Variants in GNA14 observed in about 807,000 individuals in gnomAD.
GNA14 encodes the protein G protein subunit alpha 14.
GNA14 carries 50 observed loss-of-function variants against 42.0 expected under a neutral mutation model. The ratio of observed to expected loss-of-function variants is 1.19; its 90% CI spans 0.95 to 1.51. The LOEUF is 1.51. Ranked by LOEUF, GNA14 falls within the 40% of genes most tolerant of loss-of-function variation. GNA14 has a pLI of 0.00. For missense variants in GNA14, 473 were observed against 446.2 expected (o/e 1.06, Z -0.54); for synonymous variants, 173 against 163.1 (o/e 1.06, Z -0.46).
chr9:77,603,373 T>C (rs972039411), intron 1 of GNA14, among the ~76,000 whole-genome samples: 3 of 152,108 alleles, frequency 2.0e-5, no homozygotes, highest in African/African-American at 7.2e-5. Flanking sequence ...GCCTGGAACT[T>C]TGAATAAAGC....
Position 77,424,056 on chromosome 9 carries a change from C to G in GNA14, c.991G>C (p.Asp331His). Residue 331 changes from aspartate to histidine, a missense_variant, in exon 7 of 7, where the codon GAC (aspartate) becomes CAC (histidine). Transcript: ENST00000341700. ...GCAGCAAACACAAAGCGAATATTGTCTGTATCTGTAGCACATGTGAAGTGA... is the reference window on the plus strand; with the variant it reads ...GCAGCAAACACAAAGCGAATATTGTGTGTATCTGTAGCACATGTGAAGTGA... ...YSHFTCATDT[D>H]NIRFVFAAVK... 1 of 1,611,674 alleles carries G rather than the reference C, an allele frequency of 6.2e-7. No individual in the cohort carries two copies. Among genetic ancestry groups the G allele is most frequent in the Non-Finnish European group, 8.5e-7 (1 of 1,178,626 alleles).
intron 1 of GNA14, among the ~76,000 whole-genome samples, chr9:77,551,519 C>CA (rs946171871): frequency 4.0e-5 from 6 of 151,882 alleles, no homozygotes; most frequent in East Asian, 1.9e-4. Context: ...ACCCACCCCC[C>CA]CTTCAAGTGA....
chr9:77,637,433 A>G (rs1371907620), intron 1 of GNA14, among the ~76,000 whole-genome samples: 11 of 152,234 alleles, frequency 7.2e-5, no homozygotes, highest in Non-Finnish European at 1.6e-4. Context: ...CATCTCACCC[A>G]TCAACTTCAG....
chr9:77,636,870 C>T (rs1361673527), intron 1 of GNA14, among the ~76,000 whole-genome samples: 2 of 152,126 alleles, frequency 1.3e-5, no homozygotes, highest in Non-Finnish European at 2.9e-5. Context: ...AGCCAATGTT[C>T]CATGGAGAGT....
intron 1 of GNA14, among the ~76,000 whole-genome samples, chr9:77,590,815 G>T (rs1317754807): frequency 6.6e-6 from 1 of 151,982 alleles, no homozygotes; most frequent in Non-Finnish European, 1.5e-5. Context: ...AGAAATTCTA[G>T]AATTGAAGTG....
At position 77,423,217 on chromosome 9, in the gene GNA14, A is replaced by G. The variant is rs917635683; in HGVS notation, c.*762T>C. The G allele has an allele frequency of 4.6e-5, 7 of 152,088 alleles. No homozygotes were observed. Among genetic ancestry groups the G allele is most frequent in the African/African-American group, 1.7e-4 (7 of 41,416 alleles). The allele number at this position is 152,088 out of a possible 1,614,324, so 9.4% of individuals were successfully genotyped here. ...AACAATGTGGACTTCTAGCCATTTC[A>G]TACATTTTTAAGATCTGGTCATATA... On this transcript the variant is annotated 3_prime_UTR_variant, in exon 7 of 7. Coordinates refer to ENST00000341700, the MANE Select transcript of GNA14 (RefSeq NM_004297.4).
chr9:77,426,368 G>A (rs1056066066), intron 5 of GNA14, among the ~76,000 whole-genome samples: 14 of 151,968 alleles, frequency 9.2e-5, no homozygotes, highest in Admixed American at 2.6e-4. Flanking sequence ...ACAGTGGCGC[G>A]ATCTCGGCTC....
At chr9:77,487,279 T>C (rs1836677946) in intron 2 of GNA14, among the ~76,000 whole-genome samples, 1 of 152,188 alleles carries the variant, frequency 6.6e-6, no homozygotes, top group Non-Finnish European at 1.5e-5. Flanking sequence ...AATTTTCCAT[T>C]ATTTTTGGAC....
At chr9:77,635,362 C>G (rs1824167413) in intron 1 of GNA14, 1 of 152,094 alleles carries the variant, frequency 6.6e-6, no homozygotes, top group Non-Finnish European at 1.5e-5. Flanking sequence ...CATGCTATTC[C>G]AAGAAGTAAC....
chr9:77,549,227 C>G (rs890928833), intron 1 of GNA14, among the ~76,000 whole-genome samples: 6 of 152,216 alleles, frequency 3.9e-5, no homozygotes, highest in Admixed American at 2.0e-4. Flanking sequence ...AGCCACCGTG[C>G]CCAGCCAAGA....
In GNA14 at chr9:77,431,024, T is replaced by TTGTGTGTGTG. The variant is rs10631280; in HGVS notation, c.593+287_593+296dup. Among the ~76,000 whole-genome samples the TTGTGTGTGTG allele has an allele frequency of 8.6e-3, 877 of 101,480 alleles. 7 individuals carry two copies. The highest frequency in any genetic ancestry group is 0.022 in the African/African-American group (538 of 24,620). 66.6% of individuals were successfully genotyped at this position (101,480 alleles called of 152,430 possible). On this transcript the variant is annotated intron_variant, in intron 4 of 6. Transcript: ENST00000341700. The stretch of plus-strand genomic sequence containing the variant: ...ATTTGTGGGATACAGAAGTATACAT[T>TTGTGTGTGTG]TGTGTGTGTGTGTGTGTGTGTGTGT...
intron 1 of GNA14, among the ~76,000 whole-genome samples, chr9:77,565,020 CAT>C (rs1200313344): frequency 2.0e-5 from 3 of 152,086 alleles, no homozygotes; most frequent in African/African-American, 4.8e-5. Flanking sequence ...ATAATTTTAA[CAT>C]GTTTCCTACT....
chr9:77,504,112 T>G (rs1375741945), intron 2 of GNA14, among the ~76,000 whole-genome samples: 1 of 152,218 alleles, frequency 6.6e-6, no homozygotes, highest in East Asian at 1.9e-4. Flanking sequence ...TCCAACAGGC[T>G]TTATCGCCTA....
intron 2 of GNA14, among the ~76,000 whole-genome samples, chr9:77,473,792 G>C (rs942671246): frequency 6.6e-6 from 1 of 152,126 alleles, no homozygotes. Context: ...AATCAAAACA[G>C]TGTGGTACTG....
chr9:77,576,858 C>CA (rs1823136407), intron 1 of GNA14, among the ~76,000 whole-genome samples: 6 of 151,824 alleles, frequency 4.0e-5, no homozygotes, highest in Admixed American at 3.9e-4. Flanking sequence ...AAATATTTTC[C>CA]AGGGTAAATG....
rs139234650 is a variant in GNA14 at position 77,582,526 on chromosome 9, C to T, written c.125-53273G>A. ...GAACTTACAGTTTGCCATCACTCAACGACAATTTGCATGCCCATTTTGCAT... is the reference window on the plus strand; with the variant it reads ...GAACTTACAGTTTGCCATCACTCAATGACAATTTGCATGCCCATTTTGCAT... On this transcript the variant is annotated intron_variant, in intron 1 of 6. Transcript: ENST00000341700. Among the ~76,000 whole-genome samples, 126 of 152,324 alleles carry T rather than the reference C, an allele frequency of 8.3e-4. 3 individuals carry two copies. The East Asian group carries it at 0.018, about 21-fold the overall frequency.
At chr9:77,470,625 A>G (rs1836314175) in intron 2 of GNA14, among the ~76,000 whole-genome samples, 1 of 152,216 alleles carries the variant, frequency 6.6e-6, no homozygotes, top group South Asian at 2.1e-4. Flanking sequence ...GAATACTATA[A>G]TTGGAGAGAT....
intron 2 of GNA14, among the ~76,000 whole-genome samples, chr9:77,515,966 A>AAAAAAAAAAAAAAAG: frequency 7.2e-6 from 1 of 138,738 alleles, no homozygotes; most frequent in Non-Finnish European, 1.5e-5. Flanking sequence ...CTCACAAAAA[A>AAAAAAAAAAAAAAAG]AAAAAAAAAA....
At chr9:77,599,583 G>A (rs1030596811) in intron 1 of GNA14, among the ~76,000 whole-genome samples, 8 of 152,218 alleles carry the variant, frequency 5.3e-5, no homozygotes, top group Non-Finnish European at 4.4e-5. Flanking sequence ...ACAGAAAACA[G>A]GGCTGAGTAG....
Sources: gnomAD v4.1 joint callset for allele counts (sites outside exome capture counted in the v4.1 genomes callset) on GRCh38, gnomAD v4.1.1 for gene constraint, MANE v1.5 for transcripts, NCBI Gene and HGNC (gene_info 2026-07-23, HGNC 2026-07-21) for gene names.